DLG2: variants seen among roughly 807,000 people sequenced by gnomAD.
DLG2 encodes the protein discs large MAGUK scaffold protein 2.
Under a neutral mutation model 132.5 loss-of-function variants are expected in DLG2, and 45 were observed. That is an observed-to-expected ratio of 0.34 (90% CI 0.27 to 0.44). The LOEUF is 0.44. DLG2 is among the 20% of genes least tolerant of loss of function. DLG2 has a pLI of 1.00. For synonymous variants in DLG2, 424 were observed against 419.6 expected, an observed-to-expected ratio of 1.01 and a Z score of -0.13; for missense variants, 1,045 against 1,196.9, an observed-to-expected ratio of 0.87 and a Z score of 1.87.
chr11:84,991,100 T>C (rs77179784), intron 6 of DLG2, among the ~76,000 whole-genome samples: 3,001 of 152,238 alleles, frequency 0.02, 54 homozygotes, highest in Admixed American at 0.042. Flanking sequence ...TGAAAAAATA[T>C]ATACCAAAAG....
chr11:84,824,444 T>A (rs1396799000), intron 6 of DLG2, among the ~76,000 whole-genome samples: 1 of 151,894 alleles, frequency 6.6e-6, no homozygotes, highest in Non-Finnish European at 1.5e-5. Context: ...CAAAGATAAA[T>A]TTCTTTATTT....
intron 6 of DLG2, among the ~76,000 whole-genome samples, chr11:84,720,605 G>T (rs1036428658): frequency 3.3e-5 from 5 of 152,176 alleles, no homozygotes; most frequent in Admixed American, 1.3e-4. Context: ...GAGGCGTGTG[G>T]GGGGAGGGAC....
intron 18 of DLG2, among the ~76,000 whole-genome samples, chr11:83,714,014 G>T (rs1014505911): frequency 6.6e-6 from 1 of 152,064 alleles, no homozygotes; most frequent in East Asian, 1.9e-4. Flanking sequence ...CATACTATTG[G>T]GTCAATGTTG....
intron 6 of DLG2, among the ~76,000 whole-genome samples, chr11:84,868,491 C>A (rs58755454): frequency 6.6e-6 from 1 of 151,922 alleles, no homozygotes; most frequent in African/African-American, 2.4e-5. Flanking sequence ...ATTTCGTAAC[C>A]AGAGAAACAG....
chr11:85,489,111 C>A (rs968622286), intron 3 of DLG2, among the ~76,000 whole-genome samples: 1 of 152,056 alleles, frequency 6.6e-6, no homozygotes, highest in African/African-American at 2.4e-5. Flanking sequence ...ACAGGCTCCA[C>A]TTAAGAGATA....
At chr11:84,524,816 A>G (rs923974533) in intron 7 of DLG2, among the ~76,000 whole-genome samples, 38 of 151,422 alleles carry the variant, frequency 2.5e-4, no homozygotes, top group African/African-American at 9.2e-4. Context: ...GGGCCTCATG[A>G]CTGTTGGGGT....
At chr11:84,162,174 T>C (rs943272790) in intron 9 of DLG2, among the ~76,000 whole-genome samples, 1 of 152,248 alleles carries the variant, frequency 6.6e-6, no homozygotes, top group African/African-American at 2.4e-5. Context: ...AAATGTGGTA[T>C]GCGTTTATCA....
At chr11:83,644,797 T>C (rs992240411) in intron 18 of DLG2, among the ~76,000 whole-genome samples, 2 of 152,124 alleles carry the variant, frequency 1.3e-5, no homozygotes, top group African/African-American at 4.8e-5. Flanking sequence ...AAAGGATCTA[T>C]GAGAAAGTGA....
intron 4 of DLG2, among the ~76,000 whole-genome samples, chr11:85,185,462 G>A (rs568281590): frequency 6.6e-6 from 1 of 152,000 alleles, no homozygotes; most frequent in South Asian, 2.1e-4. Context: ...GGTTGTTTTG[G>A]ACTAAATGTT....
chr11:85,096,178 G>A (rs776659477), intron 6 of DLG2, among the ~76,000 whole-genome samples: 25 of 152,110 alleles, frequency 1.6e-4, no homozygotes, highest in Non-Finnish European at 3.1e-4. Context: ...GGATGTGGGC[G>A]GGGCCAAATA....
chr11:85,305,433 G>A (rs1488314377), intron 3 of DLG2, among the ~76,000 whole-genome samples: 1 of 152,248 alleles, frequency 6.6e-6, no homozygotes, highest in African/African-American at 2.4e-5. Context: ...CAGGCCTTCC[G>A]GGAAATCTGC....
chr11:83,610,879 G>A lies in DLG2; in HGVS notation c.1940+22332C>T, dbSNP rs145088468. On this transcript the variant is annotated intron_variant, in intron 19 of 27. Coordinates refer to ENST00000376104, the MANE Select transcript of DLG2 (RefSeq NM_001142699.3). ...ACAACATTTTCCAGATCACACAACC[G>A]GTAAACAGAAGAAACAAATTAAAAC... Among the ~76,000 whole-genome samples the A allele has an allele frequency of 1.1e-3, 170 of 152,084 alleles. 3 individuals carry two copies. The East Asian group carries it at 0.023, about 20-fold the overall frequency.
intron 6 of DLG2, among the ~76,000 whole-genome samples, chr11:84,718,801 C>G (rs555218550): frequency 6.6e-4 from 100 of 152,258 alleles, no homozygotes; most frequent in African/African-American, 2.3e-3. Flanking sequence ...GTTATTGGTG[C>G]TATTCATTCA....
At chr11:85,095,561 A>G (rs1486803573) in intron 6 of DLG2, among the ~76,000 whole-genome samples, 1 of 151,944 alleles carries the variant, frequency 6.6e-6, no homozygotes, top group East Asian at 1.9e-4. Context: ...AAAAAAAAAT[A>G]CTTTCCTTGA....
At chr11:84,554,255 A>C (rs1181002103) in intron 6 of DLG2, among the ~76,000 whole-genome samples, 1 of 152,176 alleles carries the variant, frequency 6.6e-6, no homozygotes, top group Non-Finnish European at 1.5e-5. Context: ...AGCTTCCCAA[A>C]TGGGGCAGTT....
At chr11:85,476,452 CTT>C (rs1046138504) in intron 3 of DLG2, among the ~76,000 whole-genome samples, 6 of 151,944 alleles carry the variant, frequency 3.9e-5, no homozygotes, top group East Asian at 1.9e-4. Flanking sequence ...ATAAATTAAA[CTT>C]AGCTTACTGT....
intron 3 of DLG2, among the ~76,000 whole-genome samples, chr11:85,461,209 TA>T (rs1473496558): frequency 6.6e-6 from 1 of 152,232 alleles, no homozygotes; most frequent in Non-Finnish European, 1.5e-5. Flanking sequence ...CTACTTATTG[TA>T]AAACACTCTT....
chr11:85,108,352 G>C lies in DLG2; in HGVS notation c.357+3309C>G, dbSNP rs2072151325. Among the ~76,000 whole-genome samples, 7 of 152,160 alleles carry C rather than the reference G, an allele frequency of 4.6e-5. No individual in the cohort carries two copies. In the South Asian group the frequency reaches 1.5e-3, roughly 32 times the overall value. ...TAGAGACTATCAATTTATTAGGCCT[G>C]TAAGTATGAATTAATTTATTTATAA... is the stretch of plus-strand genomic sequence containing the variant. On this transcript the variant is annotated intron_variant, in intron 6 of 27. Coordinates refer to ENST00000376104, the MANE Select transcript of DLG2 (RefSeq NM_001142699.3).
At chr11:84,898,957 C>A (rs2090544925) in intron 6 of DLG2, among the ~76,000 whole-genome samples, 1 of 151,906 alleles carries the variant, frequency 6.6e-6, no homozygotes, top group South Asian at 2.1e-4. Flanking sequence ...CTGTAAAATT[C>A]CTTGAAAGGT....
Sources: gnomAD v4.1 joint callset for allele counts (sites outside exome capture counted in the v4.1 genomes callset) on GRCh38, gnomAD v4.1.1 for gene constraint, MANE v1.5 for transcripts, NCBI Gene and HGNC (gene_info 2026-07-23, HGNC 2026-07-21) for gene names.